Variants in SUMF2 observed in about 807,000 individuals in gnomAD.
The protein encoded by SUMF2 is inactive C-alpha-formylglycine-generating enzyme 2.
Under a neutral mutation model 44.8 loss-of-function variants are expected in SUMF2, and 45 were observed. The ratio of observed to expected loss-of-function variants is 1.00; its 90% CI spans 0.79 to 1.29. The LOEUF (loss-of-function observed/expected upper bound fraction) is 1.29. Among genes scored for constraint, SUMF2 ranks in the 50% most tolerant of loss-of-function variants. The probability of loss-of-function intolerance (pLI) is 0.00; values close to 1 mark genes in which losing one functional copy is unlikely to be tolerated. For missense variants in SUMF2, 418 were observed against 389.9 expected (o/e 1.07, Z -0.61); for synonymous variants, 148 against 150.4 (o/e 0.98, Z 0.12).
chr7:56,078,346 C>G lies in SUMF2; in HGVS notation c.677-18C>G, dbSNP rs1011313655. ...TCGGCGGGTCCCAGCCTGGCCTGAC[C>G]CGCCGGTGGGGCTGCAGGGCTCTAT... is the stretch of plus-strand genomic sequence containing the variant. On this transcript the variant is annotated intron_variant, in intron 7 of 8. Coordinates refer to ENST00000434526, the MANE Select transcript of SUMF2 (RefSeq NM_015411.4). The G allele has an allele frequency of 2.5e-5, 40 of 1,581,932 alleles. No homozygotes were observed. Among genetic ancestry groups the G allele is most frequent in the Non-Finnish European group, 3.4e-5 (40 of 1,161,660 alleles).
At chr7:56,081,026 C>G, downstream of SUMF2, 1 of 1,610,134 alleles carries the variant, frequency 6.2e-7, no homozygotes, top group Non-Finnish European at 8.5e-7. The surrounding 1 kb of genome is among the most constrained non-coding windows in gnomAD (Gnocchi z 4.6). Context: ...CCCACCTGCC[C>G]CCTAGCCCTC....
At chr7:56,085,032 C>T (rs902886460), downstream of SUMF2, among the ~76,000 whole-genome samples, 6 of 152,168 alleles carry the variant, frequency 3.9e-5, no homozygotes, top group African/African-American at 7.2e-5. Context: ...ACGATCTCAG[C>T]TAACTGCAAC....
rs1394332493 is a variant in SUMF2, at chr7:56,079,696, C to T, written c.*84C>T. 21 of 1,613,336 alleles carry T rather than the reference C, an allele frequency of 1.3e-5. No homozygotes were observed. Among genetic ancestry groups the T allele is most frequent in the Non-Finnish European group, 1.7e-5 (20 of 1,179,594 alleles). On this transcript the variant is annotated 3_prime_UTR_variant, in exon 9 of 9. Transcript: ENST00000434526. ...GTTGCAAACAGCGCAATTCCAAGCT[C>T]GAGAGCTTCAGCCTCAGGAAAGAAC...
At chr7:56,081,759 T>TGAGAGGAG, downstream of SUMF2, 1 of 1,612,420 alleles carries the variant, frequency 6.2e-7, no homozygotes, top group South Asian at 1.1e-5. The surrounding 1 kb of genome is among the most constrained non-coding windows in gnomAD (Gnocchi z 4.6). Flanking sequence ...GGGAGACCTG[T>TGAGAGGAG]GAGAGGAGGA....
intron 1 of SUMF2, among the ~76,000 whole-genome samples, chr7:56,066,030 G>T (rs1794762596): frequency 1.5e-5 from 2 of 135,206 alleles, no homozygotes; most frequent in African/African-American, 5.8e-5. Context: ...GCAGTTTTCC[G>T]AGATCGGGCC....
At chr7:56,083,863 G>A (rs1052614930), downstream of SUMF2, 6 of 658,662 alleles carry the variant, frequency 9.1e-6, no homozygotes, top group Admixed American at 4.8e-5. Context: ...GAGAGGAGCC[G>A]GGGAAGTGAG....
intron 5 of SUMF2, 41 bp from the exon 6 acceptor site, chr7:56,076,793 T>C: frequency 6.5e-7 from 1 of 1,548,554 alleles, no homozygotes; most frequent in Non-Finnish European, 8.8e-7. Context: ...CCCTAATTCT[T>C]CACCTCCCCC....
chr7:56,066,272 CTG>C (rs1352574820), intron 1 of SUMF2, among the ~76,000 whole-genome samples: 12 of 152,050 alleles, frequency 7.9e-5, no homozygotes, highest in African/African-American at 2.4e-4. Context: ...TGGAAAGACA[CTG>C]TGAAGTGGTG....
At chr7:56,067,706 G>A (rs1350687907) in intron 1 of SUMF2, among the ~76,000 whole-genome samples, 4 of 151,670 alleles carry the variant, frequency 2.6e-5, no homozygotes, top group Non-Finnish European at 2.9e-5. Context: ...CAGCCTGGGC[G>A]ACATAACAAA....
intron 2 of SUMF2, among the ~76,000 whole-genome samples, chr7:56,069,897 T>G (rs752482152): frequency 9.2e-5 from 14 of 151,898 alleles, no homozygotes; most frequent in Non-Finnish European, 1.6e-4. Context: ...AAAATCCATT[T>G]TATTTATTTG....
chr7:56,087,046 T>C, the SUMF2 span: 127 of 1,596,768 alleles, frequency 8.0e-5, no homozygotes, highest in Middle Eastern at 1.8e-4. Flanking sequence ...ATGGCTAGCT[T>C]GTCTCAAGTA....
chr7:56,082,105 G>C, downstream of SUMF2: 1 of 1,610,808 alleles, frequency 6.2e-7, no homozygotes, highest in South Asian at 1.1e-5. Flanking sequence ...GCCCAGCCCT[G>C]CCTACTTCCT....
At chr7:56,071,195 C>T (rs955888526) in intron 2 of SUMF2, among the ~76,000 whole-genome samples, 9 of 151,888 alleles carry the variant, frequency 5.9e-5, no homozygotes, top group African/African-American at 2.2e-4. Flanking sequence ...AGTGAGACCC[C>T]ATCTCTACAA....
chr7:56,078,208 C>T (rs752039817), intron 7 of SUMF2, 22 bp downstream of exon 7: 24 of 1,599,830 alleles, frequency 1.5e-5, no homozygotes, highest in Non-Finnish European at 1.7e-5. Flanking sequence ...CTTGGGCTTG[C>T]GGCTGTGCCC....
chr7:56,064,338 G>T lies in SUMF2; in HGVS notation c.27G>T (p.Leu9=), dbSNP rs377230526. 156 of 1,601,852 alleles carry T rather than the reference G, an allele frequency of 9.7e-5. 1 individual carries two copies. Among genetic ancestry groups the T allele is most frequent in the Non-Finnish European group, 1.2e-4 (144 of 1,174,812 alleles). ...TGGCCCGGCATGGGTTACCGCTGCT[G>T]CCCCTGCTGTCGCTCCTGGTCGGCG... The part of the protein sequence containing the change: MARHGLPL[L]PLLSLLVGAW... The change falls in exon 1 of 9, where the codon CTG becomes CTT. Residue 9 remains leucine (L), a synonymous_variant. Transcript: ENST00000434526.
intron 1 of SUMF2, among the ~76,000 whole-genome samples, chr7:56,066,832 C>G (rs1667629448): frequency 6.6e-6 from 1 of 152,208 alleles, no homozygotes; most frequent in African/African-American, 2.4e-5. Context: ...GTTGGCCAGA[C>G]TGGTCTCCAA....
the SUMF2 span, chr7:56,087,083 G>A: frequency 2.4e-5 from 31 of 1,308,150 alleles, no homozygotes; most frequent in Admixed American, 1.2e-4. Context: ...AGGGGCAGCC[G>A]GGGCACGGGG....
At chr7:56,074,087 G>A in intron 3 of SUMF2, 87 bp from the exon 4 acceptor site, 3 of 1,128,832 alleles carry the variant, frequency 2.7e-6, no homozygotes, top group South Asian at 1.2e-5. Context: ...TCAGCCTGAC[G>A]TCTCTGTTCT....
rs1039914730 is a variant in SUMF2, at chr7:56,074,179, A to G, written c.345A>G (p.Val115=). The G allele has an allele frequency of 1.2e-6, 2 of 1,613,378 alleles. No homozygotes were observed. The highest frequency in any genetic ancestry group is 1.3e-5 in the African/African-American group (1 of 74,684). ...GGTCTCCTTCTTTTTCGCAGTCTGT[A>G]CTCTGGTGGCTTCCAGTGGAAAAGG... ...RNKATQPMKS[V]LWWLPVEKAF... is the part of the protein sequence containing the mutation. The change falls in exon 4 of 9, where the codon GTA becomes GTG. Residue 115 remains valine, a synonymous_variant. Transcript: ENST00000434526.
Sources: gnomAD v4.1 joint callset for allele counts (sites outside exome capture counted in the v4.1 genomes callset) on GRCh38, gnomAD v4.1.1 for gene constraint, Gnocchi (gnomAD v3.1) non-coding constraint, MANE v1.5 for transcripts, NCBI Gene and HGNC (gene_info 2026-07-23, HGNC 2026-07-21) for gene names.